FGF12: variants seen among roughly 807,000 people sequenced by gnomAD.
The protein encoded by FGF12 is fibroblast growth factor 12.
A neutral mutation model predicts 23.6 loss-of-function variants in FGF12; 14 were observed. The ratio of observed to expected loss-of-function variants is 0.59; its 90% confidence interval spans 0.39 to 0.93. The LOEUF (loss-of-function observed/expected upper bound fraction) is 0.93, where lower values mean the gene tolerates loss of function less well. Among genes scored for constraint, FGF12 ranks in the 40% least tolerant of loss-of-function variants. FGF12 has a pLI of 0.00. For synonymous variants in FGF12, 62 were observed against 77.3 expected, an observed-to-expected ratio of 0.80 and a Z score of 1.04; for missense variants, 175 against 217.8, an observed-to-expected ratio of 0.80 and a Z score of 1.24.
intron 2 of FGF12, among the ~76,000 whole-genome samples, chr3:192,376,581 C>T (rs1396535245): frequency 6.6e-6 from 1 of 152,070 alleles, no homozygotes; most frequent in Admixed American, 6.6e-5. Flanking sequence ...AGGCTGGTCT[C>T]AAACTCCCGG....
intron 2 of FGF12, among the ~76,000 whole-genome samples, chr3:192,539,248 C>T (rs1725305676): frequency 6.6e-6 from 1 of 152,116 alleles, no homozygotes; most frequent in African/African-American, 2.4e-5. Flanking sequence ...CCATTTTTCC[C>T]CATTCACTAT....
At chr3:192,531,816 G>T (rs1275801586) in intron 2 of FGF12, among the ~76,000 whole-genome samples, 1 of 152,160 alleles carries the variant, frequency 6.6e-6, no homozygotes, top group Non-Finnish European at 1.5e-5. Context: ...AGTAGCTTTT[G>T]CTTAGGAGGT....
Position 192,230,022 on chromosome 3 carries a change from C to T in FGF12, c.229-59366G>A, listed in dbSNP as rs143224926. Among the ~76,000 whole-genome samples the T allele has an allele frequency of 1.5e-3, 224 of 152,208 alleles. 4 individuals carry two copies. In the Middle Eastern group the frequency reaches 0.024, roughly 16 times the overall value. ...TATGACGGAGCTTATTACCTAACAT[C>T]TTTCTACTTAAGCTGTGGTCACAGC... On this transcript the variant is annotated intron_variant, in intron 4 of 5. Coordinates refer to ENST00000445105, the MANE Select transcript of FGF12 (RefSeq NM_004113.6).
At chr3:192,420,914 T>A (rs867761794) in intron 2 of FGF12, among the ~76,000 whole-genome samples, 1 of 151,996 alleles carries the variant, frequency 6.6e-6, no homozygotes, top group African/African-American at 2.4e-5. Flanking sequence ...AAAACAAGAA[T>A]CACAATTTGG....
chr3:192,418,846 A>C (rs1721435119), intron 2 of FGF12, among the ~76,000 whole-genome samples: 1 of 152,176 alleles, frequency 6.6e-6, no homozygotes, highest in South Asian at 2.1e-4. Flanking sequence ...CAGAACCGTG[A>C]GCCAATTAAA....
chr3:192,284,539 T>C (rs1714336075), intron 4 of FGF12, among the ~76,000 whole-genome samples: 1 of 151,976 alleles, frequency 6.6e-6, no homozygotes, highest in African/African-American at 2.4e-5. Context: ...GAGAGGAGAT[T>C]TTCAAAAAAA....
chr3:192,464,263 G>T (rs1434630326), intron 2 of FGF12, among the ~76,000 whole-genome samples: 1 of 152,052 alleles, frequency 6.6e-6, no homozygotes, highest in African/African-American at 2.4e-5. Flanking sequence ...TGTACCCAGT[G>T]GGTAGTCTTG....
At chr3:192,646,038 C>T (rs1271541414) in intron 2 of FGF12, among the ~76,000 whole-genome samples, 1 of 152,014 alleles carries the variant, frequency 6.6e-6, no homozygotes, top group Non-Finnish European at 1.5e-5. Flanking sequence ...AGAAAAATCA[C>T]CCCAAGTGGG....
chr3:192,511,499 T>C (rs1405682902), intron 2 of FGF12, among the ~76,000 whole-genome samples: 1 of 152,236 alleles, frequency 6.6e-6, no homozygotes, highest in African/African-American at 2.4e-5. Flanking sequence ...GCATTAGCTA[T>C]TGTTTTAATC....
intron 5 of FGF12, among the ~76,000 whole-genome samples, chr3:192,165,513 T>A: frequency 1.4e-5 from 1 of 72,312 alleles, no homozygotes. Flanking sequence ...AATCATCTGG[T>A]CCAATTTTTT....
At chr3:192,501,554 G>A (rs538392130) in intron 2 of FGF12, among the ~76,000 whole-genome samples, 4 of 152,178 alleles carry the variant, frequency 2.6e-5, no homozygotes, top group African/African-American at 7.2e-5. Flanking sequence ...GCTAGTTAGC[G>A]TAATAGTAAC....
chr3:192,612,862 C>A (rs1310930825), intron 2 of FGF12, among the ~76,000 whole-genome samples: 1 of 151,876 alleles, frequency 6.6e-6, no homozygotes, highest in African/African-American at 2.4e-5. Flanking sequence ...AAGAAACATG[C>A]TCCTTGCCCA....
At chr3:192,171,809 T>C (rs1284192258) in intron 4 of FGF12, among the ~76,000 whole-genome samples, 1 of 151,942 alleles carries the variant, frequency 6.6e-6, no homozygotes, top group Non-Finnish European at 1.5e-5. Flanking sequence ...TTAATGAATA[T>C]AGGTTGGTTG....
At chr3:192,200,499 TTAAGA>T (rs1329327032) in intron 4 of FGF12, among the ~76,000 whole-genome samples, 2 of 138,684 alleles carry the variant, frequency 1.4e-5, no homozygotes, top group African/African-American at 7.0e-5. Flanking sequence ...ATGTAATACA[TTAAGA>T]AAGAAACTTT....
At chr3:192,376,507 C>T (rs1719513516) in intron 2 of FGF12, among the ~76,000 whole-genome samples, 1 of 151,966 alleles carries the variant, frequency 6.6e-6, no homozygotes, top group Non-Finnish European at 1.5e-5. Flanking sequence ...GGATTACAGG[C>T]ATGTGTCACC....
At chr3:192,502,729 C>G (rs1320519854) in intron 2 of FGF12, among the ~76,000 whole-genome samples, 1 of 152,176 alleles carries the variant, frequency 6.6e-6, no homozygotes, top group Non-Finnish European at 1.5e-5. Flanking sequence ...AGAAAAGCAA[C>G]TAACGTTGGA....
intron 2 of FGF12, among the ~76,000 whole-genome samples, chr3:192,664,764 CACA>C (rs1243186360): frequency 1.3e-5 from 2 of 152,032 alleles, no homozygotes; most frequent in African/African-American, 4.8e-5. Flanking sequence ...GACTCCGTCT[CACA>C]ACAACAACTA....
chr3:192,284,088 C>A (rs1309105222), intron 4 of FGF12, among the ~76,000 whole-genome samples: 3 of 152,064 alleles, frequency 2.0e-5, no homozygotes, highest in Non-Finnish European at 4.4e-5. Flanking sequence ...TGCATTGCAG[C>A]TTTTCCAGCT....
intron 4 of FGF12, among the ~76,000 whole-genome samples, chr3:192,224,612 T>G (rs1331856852): frequency 1.3e-5 from 2 of 152,098 alleles, no homozygotes; most frequent in South Asian, 4.1e-4. Context: ...AATTTCTTCT[T>G]AGGTCTGCCA....
Sources: gnomAD v4.1 joint callset for allele counts (sites outside exome capture counted in the v4.1 genomes callset) on GRCh38, gnomAD v4.1.1 for gene constraint, MANE v1.5 for transcripts, NCBI Gene and HGNC (gene_info 2026-07-23, HGNC 2026-07-21) for gene names.